Variants in TOMM34 observed in about 807,000 individuals in gnomAD.
TOMM34 encodes the protein mitochondrial import receptor subunit TOM34.
In TOMM34, 24 loss-of-function variants were observed where a neutral mutation model predicts 37.4. That is an observed-to-expected ratio of 0.64 (90% CI 0.46 to 0.90). TOMM34 has a LOEUF of 0.90. TOMM34 is among the 40% of genes least tolerant of loss of function. The probability of loss-of-function intolerance (pLI) is 0.00; values close to 1 mark genes in which losing one functional copy is unlikely to be tolerated. For synonymous variants in TOMM34, 154 were observed against 148.9 expected (o/e 1.03, Z -0.25); for missense variants, 304 against 375.6 (o/e 0.81, Z 1.58).
intron 2 of TOMM34, chr20:44,955,749 T>C: frequency 2.4e-6 from 1 of 415,914 alleles, no homozygotes; most frequent in Non-Finnish European, 4.9e-6. Flanking sequence ...CACAAATTAA[T>C]TCAGCACAGG....
At chr20:44,953,767 G>A (rs2067047068) in intron 3 of TOMM34, among the ~76,000 whole-genome samples, 1 of 152,046 alleles carries the variant, frequency 6.6e-6, no homozygotes, top group Non-Finnish European at 1.5e-5. Context: ...TGGTCCCATT[G>A]TTTTCTCTCC....
chr20:44,955,517 CTA>C (rs2067064121), intron 2 of TOMM34: 1 of 519,720 alleles, frequency 1.9e-6, no homozygotes, highest in African/African-American at 1.9e-5. Context: ...TTTCATGCTA[CTA>C]TGTTTTTTTA....
chr20:44,956,245 C>G (rs2067071566), intron 2 of TOMM34, 141 bp downstream of exon 2: 1 of 813,732 alleles, frequency 1.2e-6, no homozygotes, highest in African/African-American at 1.7e-5. Context: ...TCTCAGTGAC[C>G]TGGTGAAACT....
At chr20:44,955,822 C>T (rs1452116447) in intron 2 of TOMM34, among the ~76,000 whole-genome samples, 1 of 152,162 alleles carries the variant, frequency 6.6e-6, no homozygotes, top group African/African-American at 2.4e-5. Flanking sequence ...GAATCTAAAG[C>T]AATGTCAGAG....
At chr20:44,957,668 CG>C (rs968215951) in intron 1 of TOMM34, among the ~76,000 whole-genome samples, 1 of 151,866 alleles carries the variant, frequency 6.6e-6, no homozygotes, top group African/African-American at 2.4e-5. Context: ...TTAGAGACAG[CG>C]TCTCCCTCTG....
intron 1 of TOMM34, chr20:44,959,008 A>G (rs1257278348): frequency 6.6e-6 from 1 of 152,050 alleles, no homozygotes; most frequent in African/African-American, 2.4e-5. Flanking sequence ...TGGACTTAGC[A>G]TCAAAGTCAA....
chr20:44,954,408 A>G (rs1241400661), intron 3 of TOMM34, among the ~76,000 whole-genome samples: 1 of 152,242 alleles, frequency 6.6e-6, no homozygotes, highest in Non-Finnish European at 1.5e-5. Context: ...AAGAGAAAAC[A>G]AAGAATGCTG....
Position 44,944,018 on chromosome 20 carries a change from G to C in TOMM34, c.699-439C>G, listed in dbSNP as rs148809433. 2.0e-5 allele frequency among the ~76,000 whole-genome samples: 3 copies of C among 152,252 alleles called. No homozygotes were observed. In the East Asian group the frequency reaches 5.8e-4, roughly 29 times the overall value. ...TACTGAACTCTAATGATATAATGCT[G>C]ACATGGGGTGAAATGTAAAGACGTT... On this transcript the variant is annotated intron_variant, in intron 5 of 6. Coordinates refer to ENST00000372813, the MANE Select transcript of TOMM34 (RefSeq NM_006809.5).
chr20:44,957,425 C>T (rs1317919452), intron 1 of TOMM34, among the ~76,000 whole-genome samples: 5 of 152,132 alleles, frequency 3.3e-5, no homozygotes, highest in African/African-American at 7.2e-5. Context: ...CCGCCTGCCT[C>T]GGCCTCCCAA....
chr20:44,950,009 A>G (rs2067012890), intron 4 of TOMM34, among the ~76,000 whole-genome samples: 1 of 152,170 alleles, frequency 6.6e-6, no homozygotes, highest in Non-Finnish European at 1.5e-5. Context: ...CTGCAATACC[A>G]AAGCTGAATT....
rs575405775 is a variant in TOMM34 at position 44,951,886 on chromosome 20, T to C, written c.497A>G (p.His166Arg). ...GGATTTGCTTTTAGCCATCTCTTTG[T>C]GGTTCTCCGAAGGCAAGGAATTCCA... ...KRWNSLPSENHKEMAKSKSKE... is the reference protein window; with the variant it reads ...KRWNSLPSENRKEMAKSKSKE... The change falls in exon 4 of 7, where the codon CAC (histidine) becomes CGC (arginine). Residue 166 changes from histidine to arginine, a missense_variant. His to Arg is a conservative substitution (Grantham distance 29). Transcript: ENST00000372813. The C allele has an allele frequency of 6.2e-7, 1 of 1,614,114 alleles. No homozygotes were observed. The highest frequency in any genetic ancestry group is 1.1e-5 in the South Asian group (1 of 91,082).
At chr20:44,955,327 A>G in intron 2 of TOMM34, 107 bp from the exon 3 acceptor site, 1 of 1,432,756 alleles carries the variant, frequency 7.0e-7, no homozygotes, top group South Asian at 1.3e-5. Flanking sequence ...TACAGGAAGT[A>G]ATTTCTGGCC....
At chr20:44,956,880 A>G (rs2067077941) in intron 1 of TOMM34, among the ~76,000 whole-genome samples, 1 of 151,958 alleles carries the variant, frequency 6.6e-6, no homozygotes, top group South Asian at 2.1e-4. Context: ...AAAGAAAAAA[A>G]AAAAAAGAAA....
At chr20:44,959,684 T>C (rs1279754945) in intron 1 of TOMM34, among the ~76,000 whole-genome samples, 1 of 152,170 alleles carries the variant, frequency 6.6e-6, no homozygotes, top group Non-Finnish European at 1.5e-5. Flanking sequence ...CTTCTCATCA[T>C]TTAGACATCA....
rs2066954572 is a variant in TOMM34, at chr20:44,943,568, T to C, written c.710A>G (p.Tyr237Cys). Reference sequence around the variant, plus strand: ...TTCTGTGTACTGCTTCAGGACCAAATAGCAGAGTGCTCTGAAGGGAAAGAC... The same window carrying C: ...TTCTGTGTACTGCTTCAGGACCAAACAGCAGAGTGCTCTGAAGGGAAAGAC... The part of the protein sequence containing the change: ...SATYSNRALC[Y>C]LVLKQYTEAV... The change falls in exon 6 of 7, where the codon TAT (tyrosine) becomes TGT (cysteine). Residue 237 changes from tyrosine to cysteine, a missense_variant. By Grantham distance (194) the Tyr-to-Cys change is radical (BLOSUM62 -2). Coordinates refer to ENST00000372813, the MANE Select transcript of TOMM34 (RefSeq NM_006809.5). 1 of 1,614,196 alleles carries C rather than the reference T, an allele frequency of 6.2e-7. No individual in the cohort carries two copies. The highest frequency in any genetic ancestry group is 8.5e-7 in the Non-Finnish European group (1 of 1,180,034).
chr20:44,948,860 C>T lies in TOMM34; in HGVS notation c.568G>A (p.Val190Met), dbSNP rs1601140521. 1 of 1,613,970 alleles carries T rather than the reference C, an allele frequency of 6.2e-7. No homozygotes were observed. ...TCCTTCAGAACTCTGGCTTTCTCCA[C>T]ATCCCCAGCAGAAGGCACTAGATAC... Reference protein sequence around the residue: ...TKNRVPSAGDVEKARVLKEEG... With the variant: ...TKNRVPSAGDMEKARVLKEEG... The change falls in exon 5 of 7, where the codon GTG becomes ATG. Residue 190 changes from valine (V) to methionine (M), a missense_variant. By Grantham distance (21) the Val-to-Met change is conservative. Transcript: ENST00000372813.
chr20:44,944,420 T>C (rs888391034), intron 5 of TOMM34, among the ~76,000 whole-genome samples: 6 of 152,236 alleles, frequency 3.9e-5, no homozygotes, highest in African/African-American at 1.4e-4. Flanking sequence ...GGGTATTCAC[T>C]AAGTTGGATG....
intron 5 of TOMM34, 71 bp from the exon 6 acceptor site, chr20:44,943,650 G>T: frequency 6.2e-7 from 1 of 1,601,544 alleles, no homozygotes; most frequent in Non-Finnish European, 8.5e-7. Flanking sequence ...GCAGTAGTTT[G>T]AGAAGTGATC....
At chr20:44,948,518 C>A (rs749032551) in intron 5 of TOMM34, among the ~76,000 whole-genome samples, 4 of 152,218 alleles carry the variant, frequency 2.6e-5, no homozygotes, top group Non-Finnish European at 5.9e-5. Flanking sequence ...CAGGGGCCAA[C>A]AAAGCCCAGG....
Sources: allele counts gnomAD v4.1 joint callset (sites outside exome capture counted in the v4.1 genomes callset), GRCh38; gene constraint gnomAD v4.1.1; transcripts MANE v1.5; gene names NCBI Gene and HGNC (gene_info 2026-07-23, HGNC 2026-07-21).